SPATA22: variants seen among roughly 807,000 people sequenced by gnomAD.
SPATA22 encodes spermatogenesis associated 22, also known as spermatogenesis-associated protein 22.
In SPATA22, 29 loss-of-function variants were observed where a neutral mutation model predicts 47.8. The ratio of observed to expected loss-of-function variants is 0.61; its 90% confidence interval spans 0.45 to 0.83. SPATA22 has a LOEUF of 0.83. Ranked by LOEUF, SPATA22 falls within the 40% of genes least tolerant of loss-of-function variation. The probability of loss-of-function intolerance (pLI) is 0.00; values close to 1 mark genes in which losing one functional copy is unlikely to be tolerated. For missense variants in SPATA22, 410 were observed against 421.7 expected (o/e 0.97, Z 0.24); for synonymous variants, 133 against 140.9 (o/e 0.94, Z 0.40).
chr17:3,494,440 T>G, intron 1 of SPATA22: 1 of 1,607,494 alleles, frequency 6.2e-7, no homozygotes, highest in Non-Finnish European at 8.5e-7. Context: ...ATTGCTGCTA[T>G]CATCCATCCT....
chr17:3,445,770 T>C (rs2072712943), intron 7 of SPATA22, among the ~76,000 whole-genome samples: 1 of 152,248 alleles, frequency 6.6e-6, no homozygotes, highest in East Asian at 1.9e-4. Flanking sequence ...ACTGCACTGA[T>C]AGAAATCTAC....
chr17:3,491,877 CTTTT>C (rs540965896), intron 1 of SPATA22, among the ~76,000 whole-genome samples: 6 of 123,054 alleles, frequency 4.9e-5, no homozygotes, highest in Non-Finnish European at 9.7e-5. Context: ...CTTTTGTTTT[CTTTT>C]TTTTTTTTTT....
intron 1 of SPATA22, among the ~76,000 whole-genome samples, chr17:3,496,850 C>A (rs914365240): frequency 1.8e-4 from 27 of 152,094 alleles, no homozygotes; most frequent in African/African-American, 5.3e-4. Context: ...GCGGATCACG[C>A]GGTCAGGAGA....
At chr17:3,474,899 G>A (rs146897178), upstream of SPATA22, among the ~76,000 whole-genome samples, 204 of 152,278 alleles carry the variant, frequency 1.3e-3, no homozygotes, top group African/African-American at 4.6e-3. Context: ...TGGGTCTCAG[G>A]CCTAGGTTCT....
chr17:3,471,116 C>T (rs1283000877), intron 1 of SPATA22, among the ~76,000 whole-genome samples: 7 of 151,700 alleles, frequency 4.6e-5, no homozygotes, highest in Non-Finnish European at 7.4e-5. Flanking sequence ...GATCACGCCA[C>T]TGCACTCCAG....
intron 5 of SPATA22, among the ~76,000 whole-genome samples, chr17:3,454,092 A>G (rs2072926760): frequency 6.6e-6 from 1 of 152,022 alleles, no homozygotes; most frequent in Admixed American, 6.6e-5. Context: ...TAGATATTCC[A>G]AAAGGAAACC....
At chr17:3,454,397 C>T (rs1276951163) in intron 5 of SPATA22, among the ~76,000 whole-genome samples, 1 of 151,518 alleles carries the variant, frequency 6.6e-6, no homozygotes, top group African/African-American at 2.4e-5. Flanking sequence ...TGTGCTGCAC[C>T]CATTAACTCA....
upstream of SPATA22, chr17:3,476,065 G>A (rs141751741): frequency 1.4e-5 from 17 of 1,186,526 alleles, no homozygotes; most frequent in East Asian, 3.9e-4. Flanking sequence ...TTTGGGTAAA[G>A]TCTCATTTAC....
chr17:3,441,547 A>G (rs546477493), intron 8 of SPATA22: 49 of 152,184 alleles, frequency 3.2e-4, no homozygotes, highest in Non-Finnish European at 5.7e-4. Context: ...ACTCTCCTAC[A>G]TTGCCTGTGA....
At chr17:3,505,026 C>A (rs2074028391) in intron 1 of SPATA22, among the ~76,000 whole-genome samples, 1 of 152,202 alleles carries the variant, frequency 6.6e-6, no homozygotes, top group Non-Finnish European at 1.5e-5. Context: ...CCCCTTGCTC[C>A]CAGCAATTTG....
In SPATA22 at chr17:3,497,464, G is replaced by T. The variant is rs146100042; in HGVS notation, c.-74+15948C>A. Among the ~76,000 whole-genome samples, 9 of 152,296 alleles carry T rather than the reference G, an allele frequency of 5.9e-5. No individual in the cohort carries two copies. In the East Asian group the frequency reaches 9.6e-4, roughly 16 times the overall value. ...TGCGGGTTATATGACTCCATGCTCT[G>T]CAAGTCAGAACTCATAGAACTGCAC... On this transcript the variant is annotated intron_variant, in intron 1 of 8. Transcript: ENST00000541913.
intron 1 of SPATA22, among the ~76,000 whole-genome samples, chr17:3,495,661 C>T (rs1312112337): frequency 2.0e-5 from 3 of 152,178 alleles, no homozygotes; most frequent in African/African-American, 7.2e-5. Context: ...CTCCACCTCC[C>T]GGGTTCAAGC....
chr17:3,448,832 T>C lies in SPATA22; in HGVS notation c.647A>G (p.Asp216Gly). The part of the protein sequence containing the change: ...QNQYKKQMLD[D>G]IPEDNTLKET... ...CTTCAGGGTGTTGTCTTCTGGAATA[T>C]CATCCAACATTTGTTTCTTATATTG... Residue 216 changes from aspartate to glycine, a missense_variant, in exon 6 of 9, where the codon GAT becomes GGT. Asp to Gly is a moderately conservative substitution (Grantham distance 94). Transcript: ENST00000572969. 1 of 1,608,794 alleles carries C rather than the reference T, an allele frequency of 6.2e-7. No individual in the cohort carries two copies. The highest frequency in any genetic ancestry group is 8.5e-7 in the Non-Finnish European group (1 of 1,177,136).
chr17:3,473,201 C>T (rs2073473227), upstream of SPATA22, among the ~76,000 whole-genome samples: 1 of 150,338 alleles, frequency 6.7e-6, no homozygotes, highest in Admixed American at 6.6e-5. Flanking sequence ...AGTTTATAAA[C>T]TTAATCTGTT....
At chr17:3,449,292 CACA>C in intron 5 of SPATA22, 143 bp from the exon 6 acceptor site, 1 of 608,518 alleles carries the variant, frequency 1.6e-6, no homozygotes, top group Non-Finnish European at 2.8e-6. Context: ...CCAAATACAT[CACA>C]ACAACCCTAC....
At chr17:3,442,471 T>C (rs781131373) in intron 8 of SPATA22, among the ~76,000 whole-genome samples, 1 of 152,016 alleles carries the variant, frequency 6.6e-6, no homozygotes, top group Non-Finnish European at 1.5e-5. Context: ...ACAAAGTTTA[T>C]GTAGCTCTTA....
At chr17:3,477,497 A>G (rs914862561) in intron 1 of SPATA22, among the ~76,000 whole-genome samples, 5 of 152,098 alleles carry the variant, frequency 3.3e-5, no homozygotes, top group Non-Finnish European at 5.9e-5. Flanking sequence ...CTTGTTGCCC[A>G]GTCTGGAGTG....
At chr17:3,453,251 A>G (rs1586541) in intron 5 of SPATA22, among the ~76,000 whole-genome samples, 35,635 of 152,092 alleles carry the variant, frequency 0.23, 4,460 homozygotes, top group East Asian at 0.43. Flanking sequence ...TTCCCATGTA[A>G]ACAAATCTGC....
intron 7 of SPATA22, among the ~76,000 whole-genome samples, chr17:3,444,352 C>A (rs756036322): frequency 6.6e-6 from 1 of 151,950 alleles, no homozygotes; most frequent in African/African-American, 2.4e-5. Context: ...TACTCAACTA[C>A]GTAGTTCAGG....
Sources: allele counts gnomAD v4.1 joint callset (sites outside exome capture counted in the v4.1 genomes callset), GRCh38; gene constraint gnomAD v4.1.1; transcripts MANE v1.5; gene names NCBI Gene and HGNC (gene_info 2026-07-23, HGNC 2026-07-21).